Variants in DPP10 observed in about 807,000 individuals in gnomAD.
DPP10 encodes the protein dipeptidyl peptidase like 10, also known as inactive dipeptidyl peptidase 10.
In DPP10, 33 loss-of-function variants were observed where a neutral mutation model predicts 120.9. The ratio of observed to expected loss-of-function variants is 0.27; its 90% CI spans 0.21 to 0.37. The LOEUF (loss-of-function observed/expected upper bound fraction) is 0.37. Among genes scored for constraint, DPP10 ranks in the 10% least tolerant of loss-of-function variants. The pLI, the probability that DPP10 is intolerant of heterozygous loss-of-function variation, is 1.00. For missense variants in DPP10, 816 were observed against 942.8 expected, an observed-to-expected ratio of 0.87 and a Z score of 1.76; for synonymous variants, 337 against 326.1, an observed-to-expected ratio of 1.03 and a Z score of -0.36.
chr2:115,016,683 G>A (rs937755247), intron 1 of DPP10, among the ~76,000 whole-genome samples: 6 of 151,496 alleles, frequency 4.0e-5, no homozygotes, highest in Admixed American at 3.9e-4. Flanking sequence ...CCATCAACAA[G>A]TGGGCAAAGG....
At chr2:115,661,348 G>A (rs2088958983) in intron 5 of DPP10, among the ~76,000 whole-genome samples, 2 of 152,142 alleles carry the variant, frequency 1.3e-5, no homozygotes, top group Non-Finnish European at 2.9e-5. Context: ...TTCTCAACAT[G>A]GAAATCAACT....
Position 115,776,452 on chromosome 2 carries a change from T to C in DPP10, c.1222-756T>C, listed in dbSNP as rs185112141. On this transcript the variant is annotated intron_variant, in intron 13 of 25. Transcript: ENST00000410059. ...TGCAAAGGACATGAACTCATCCTTT[T>C]TTTACGGCTGCATAGTAGTCCATGG... is the stretch of plus-strand genomic sequence containing the variant. Among the ~76,000 whole-genome samples, 11 of 152,228 alleles carry C rather than the reference T, an allele frequency of 7.2e-5. No individual in the cohort carries two copies. In the East Asian group the frequency reaches 2.1e-3, roughly 29 times the overall value.
rs991502399 is a variant in DPP10, at chr2:114,726,109, G to A, written c.60+283271G>A. ...AATTTAGCTGGGCATAGTGGTGGGC[G>A]CCTGTAGTCCCAGCTACTCTGGAGG... is the stretch of plus-strand genomic sequence containing the variant. On this transcript the variant is annotated intron_variant, in intron 1 of 25. Coordinates refer to ENST00000410059, the MANE Select transcript of DPP10 (RefSeq NM_020868.6). Among the ~76,000 whole-genome samples the A allele has an allele frequency of 3.3e-5, 5 of 152,048 alleles. No individual in the cohort carries two copies. The East Asian group carries it at 5.8e-4, about 18-fold the overall frequency.
intron 5 of DPP10, among the ~76,000 whole-genome samples, chr2:115,613,715 T>C (rs776058175): frequency 2.0e-5 from 3 of 152,232 alleles, no homozygotes; most frequent in Non-Finnish European, 4.4e-5. Flanking sequence ...GTAAATATGT[T>C]ACTGTCTCAG....
intron 3 of DPP10, among the ~76,000 whole-genome samples, chr2:115,359,804 T>C (rs776558916): frequency 6.6e-6 from 1 of 152,150 alleles, no homozygotes; most frequent in Non-Finnish European, 1.5e-5. Flanking sequence ...AGGTTTTCTT[T>C]CTTTAAAATT....
intron 3 of DPP10, among the ~76,000 whole-genome samples, chr2:115,382,006 G>C (rs936834242): frequency 1.3e-5 from 2 of 152,152 alleles, no homozygotes; most frequent in African/African-American, 2.4e-5. Flanking sequence ...CTGTCTTTTT[G>C]TTTGTCTGTG....
intron 1 of DPP10, among the ~76,000 whole-genome samples, chr2:115,168,076 G>A (rs921059988): frequency 2.0e-5 from 3 of 152,122 alleles, no homozygotes; most frequent in Admixed American, 2.0e-4. Context: ...GCTTGGCAGT[G>A]GAGCCACCAA....
At chr2:115,409,339 CAA>C (rs1408310016) in intron 3 of DPP10, among the ~76,000 whole-genome samples, 3 of 151,986 alleles carry the variant, frequency 2.0e-5, no homozygotes, top group African/African-American at 4.8e-5. Context: ...GTAAAACTGA[CAA>C]AATTTTTGAA....
chr2:115,544,322 C>A (rs1429269735), intron 5 of DPP10, among the ~76,000 whole-genome samples: 1 of 152,024 alleles, frequency 6.6e-6, no homozygotes, highest in Non-Finnish European at 1.5e-5. Flanking sequence ...TCCTGGGCTA[C>A]CTTCAGCATA....
At chr2:114,732,461 T>C (rs1227171290) in intron 1 of DPP10, among the ~76,000 whole-genome samples, 1 of 152,166 alleles carries the variant, frequency 6.6e-6, no homozygotes, top group Non-Finnish European at 1.5e-5. Flanking sequence ...TGGCACACAC[T>C]GTGTGGGGAT....
At chr2:115,672,680 C>CTATTTCTTTCTTTCTTTCTTTCTT (rs147861157) in intron 5 of DPP10, among the ~76,000 whole-genome samples, 1 of 113,264 alleles carries the variant, frequency 8.8e-6, no homozygotes, top group Non-Finnish European at 1.8e-5. Context: ...CTCTTTCTTT[C>CTATTTCTTTCTTTCTTTCTTTCTT]TCTTTCTTTC....
chr2:115,154,616 T>C (rs1242158643), intron 1 of DPP10, among the ~76,000 whole-genome samples: 1 of 152,132 alleles, frequency 6.6e-6, no homozygotes, highest in East Asian at 1.9e-4. Context: ...TACAAGATTA[T>C]AGGAGATGCT....
At chr2:115,685,897 C>T (rs898417150) in intron 5 of DPP10, among the ~76,000 whole-genome samples, 22 of 151,976 alleles carry the variant, frequency 1.4e-4, no homozygotes, top group African/African-American at 4.1e-4. Context: ...ATAATTAATA[C>T]AGTAGATTAT....
chr2:115,385,127 G>T (rs905386287), intron 3 of DPP10, among the ~76,000 whole-genome samples: 1 of 152,102 alleles, frequency 6.6e-6, no homozygotes, highest in Non-Finnish European at 1.5e-5. Flanking sequence ...CCCATTCTCA[G>T]TTATGTCTTT....
rs139529363 is a variant in DPP10 at position 114,952,865 on chromosome 2, A to T, written c.61-356374A>T. 1.6e-3 allele frequency among the ~76,000 whole-genome samples: 239 copies of T among 152,314 alleles called. 2 individuals are homozygous for T. The highest frequency in any genetic ancestry group is 5.4e-3 in the African/African-American group (223 of 41,588). On this transcript the variant is annotated intron_variant, in intron 1 of 25. Coordinates refer to ENST00000410059, the MANE Select transcript of DPP10 (RefSeq NM_020868.6). Reference sequence around the variant, plus strand: ...AGTCAGCCACAGCCATGTGAGGAGGAGTTGTCATTAAACAGAGAATTAAAG... The same window carrying T: ...AGTCAGCCACAGCCATGTGAGGAGGTGTTGTCATTAAACAGAGAATTAAAG...
intron 1 of DPP10, among the ~76,000 whole-genome samples, chr2:114,846,321 A>C (rs1318574460): frequency 6.6e-6 from 1 of 152,186 alleles, no homozygotes; most frequent in Non-Finnish European, 1.5e-5. Context: ...GAATTTAAAT[A>C]TGCTGATCAA....
At chr2:115,237,915 T>A (rs1439327161) in intron 1 of DPP10, among the ~76,000 whole-genome samples, 1 of 152,144 alleles carries the variant, frequency 6.6e-6, no homozygotes, top group Non-Finnish European at 1.5e-5. Context: ...CTCCATAACA[T>A]CAAAGTGCAA....
chr2:115,100,594 G>A (rs576062772), intron 1 of DPP10, among the ~76,000 whole-genome samples: 1 of 152,048 alleles, frequency 6.6e-6, no homozygotes, highest in African/African-American at 2.4e-5. Flanking sequence ...GTGTATATAT[G>A]TATCAATTGG....
intron 1 of DPP10, among the ~76,000 whole-genome samples, chr2:115,035,348 A>G (rs1704155864): frequency 6.6e-6 from 1 of 152,192 alleles, no homozygotes; most frequent in Non-Finnish European, 1.5e-5. Flanking sequence ...GTAGAAGCCC[A>G]TTTTTATAAC....
Sources: allele counts gnomAD v4.1 joint callset (sites outside exome capture counted in the v4.1 genomes callset), GRCh38; gene constraint gnomAD v4.1.1; transcripts MANE v1.5; gene names NCBI Gene and HGNC (gene_info 2026-07-23, HGNC 2026-07-21).